The following PTPRT variants were observed in gnomAD, a reference collection of about 807,000 sequenced individuals.
PTPRT encodes receptor-type tyrosine-protein phosphatase T.
In PTPRT, 56 loss-of-function variants were observed where a neutral mutation model predicts 176.8. The observed-to-expected ratio is 0.32, with a 90% CI of 0.26 to 0.40. PTPRT has a LOEUF of 0.40. Ranked by LOEUF, PTPRT falls within the 10% of genes least tolerant of loss-of-function variation. The pLI is 1.00. For synonymous variants in PTPRT, 783 were observed against 739.0 expected, an observed-to-expected ratio of 1.06 and a Z score of -0.96; for missense variants, 1,540 against 1,908.2, an observed-to-expected ratio of 0.81 and a Z score of 3.60.
At chr20:42,220,001 A>G (rs1015294176) in intron 15 of PTPRT, among the ~76,000 whole-genome samples, 1 of 151,792 alleles carries the variant, frequency 6.6e-6, no homozygotes, top group African/African-American at 2.4e-5. Context: ...TTATTTCCCC[A>G]TCTGAGATAT....
At chr20:42,243,588 C>T (rs900789400) in intron 14 of PTPRT, among the ~76,000 whole-genome samples, 1 of 152,102 alleles carries the variant, frequency 6.6e-6, no homozygotes, top group African/African-American at 2.4e-5. Context: ...AAACAGCATG[C>T]TCAAAAGAAG....
At chr20:42,322,128 G>T (rs1449069119) in intron 11 of PTPRT, among the ~76,000 whole-genome samples, 1 of 152,040 alleles carries the variant, frequency 6.6e-6, no homozygotes, top group Non-Finnish European at 1.5e-5. Flanking sequence ...ACAAATGGAA[G>T]AACATTCCAT....
chr20:42,067,783 GGT>G (rs1353585106), downstream of PTPRT, among the ~76,000 whole-genome samples: 1 of 152,104 alleles, frequency 6.6e-6, no homozygotes, highest in Non-Finnish European at 1.5e-5. Flanking sequence ...GCCCTCTATG[GGT>G]GTTGGCAGAA....
At chr20:42,249,380 C>T (rs1464798818) in intron 13 of PTPRT, among the ~76,000 whole-genome samples, 2 of 152,190 alleles carry the variant, frequency 1.3e-5, no homozygotes, top group African/African-American at 4.8e-5. Flanking sequence ...CAAAAAAACA[C>T]TTAAATCTGA....
rs1028588244 is a variant in PTPRT at position 42,100,682 on chromosome 20, G to A, written c.3714+1442C>T. Among the ~76,000 whole-genome samples, 31 of 152,230 alleles carry A rather than the reference G, an allele frequency of 2.0e-4. No homozygotes were observed. The Middle Eastern group carries it at 0.01, about 50-fold the overall frequency. On this transcript the variant is annotated intron_variant, in intron 26 of 30. Coordinates refer to ENST00000373187, the MANE Select transcript of PTPRT (RefSeq NM_007050.6). ...CTAGGAGGAAATTGGAAGTATGGGC[G>A]CACCCCTAGGCTCCATTTCTCATCA... is the stretch of plus-strand genomic sequence containing the variant.
At chr20:42,347,379 G>T (rs1293975322) in intron 11 of PTPRT, among the ~76,000 whole-genome samples, 1 of 152,150 alleles carries the variant, frequency 6.6e-6, no homozygotes, top group Non-Finnish European at 1.5e-5. Flanking sequence ...ACTGCACACT[G>T]CTCTGCTTTC....
intron 24 of PTPRT, 91 bp from the exon 25 acceptor site, chr20:42,104,809 A>C: frequency 1.5e-6 from 2 of 1,331,104 alleles, no homozygotes; most frequent in East Asian, 4.8e-5. Context: ...GCTATGAAGA[A>C]TAGACATGAT....
At chr20:42,931,034 C>A (rs995056789) in intron 1 of PTPRT, among the ~76,000 whole-genome samples, 1 of 152,204 alleles carries the variant, frequency 6.6e-6, no homozygotes, top group African/African-American at 2.4e-5. Flanking sequence ...TTAGCCACCA[C>A]CACCACCACC....
At chr20:42,430,270 T>C (rs1194456296) in intron 9 of PTPRT, among the ~76,000 whole-genome samples, 5 of 152,112 alleles carry the variant, frequency 3.3e-5, no homozygotes, top group African/African-American at 1.2e-4. Context: ...GAAAGACTGG[T>C]TCCAAAACTG....
At chr20:42,388,445 C>A (rs930352336) in intron 9 of PTPRT, among the ~76,000 whole-genome samples, 4 of 152,024 alleles carry the variant, frequency 2.6e-5, no homozygotes, top group Non-Finnish European at 5.9e-5. Flanking sequence ...AACAAACAAC[C>A]CCATCAAAAA....
At chr20:42,740,870 G>A (rs2146292617) in intron 6 of PTPRT, among the ~76,000 whole-genome samples, 2 of 152,190 alleles carry the variant, frequency 1.3e-5, no homozygotes, top group African/African-American at 4.8e-5. Flanking sequence ...CACTTGTAAG[G>A]GCAGAAATTC....
chr20:42,962,771 A>G (rs979395134), intron 1 of PTPRT, among the ~76,000 whole-genome samples: 4 of 152,232 alleles, frequency 2.6e-5, no homozygotes, highest in Non-Finnish European at 5.9e-5. Flanking sequence ...AAATACTAAA[A>G]GAAATGCCTA....
At chr20:43,164,391 C>G (rs2014797769) in intron 1 of PTPRT, among the ~76,000 whole-genome samples, 1 of 152,106 alleles carries the variant, frequency 6.6e-6, no homozygotes, top group African/African-American at 2.4e-5. Context: ...GAGAAGCAAA[C>G]TAAGTAAATA....
At chr20:42,617,809 A>T (rs374936815) in intron 7 of PTPRT, among the ~76,000 whole-genome samples, 1 of 137,340 alleles carries the variant, frequency 7.3e-6, no homozygotes, top group Non-Finnish European at 1.5e-5. Context: ...TTTTTATTGC[A>T]TCTATTTGAT....
intron 7 of PTPRT, among the ~76,000 whole-genome samples, chr20:42,651,440 G>T (rs2075029196): frequency 6.6e-6 from 1 of 152,142 alleles, no homozygotes; most frequent in African/African-American, 2.4e-5. Flanking sequence ...TCAAATCTAT[G>T]AGCTAGTCAT....
chr20:42,493,189 T>C (rs2071592828), intron 7 of PTPRT, among the ~76,000 whole-genome samples: 2 of 152,196 alleles, frequency 1.3e-5, no homozygotes, highest in Non-Finnish European at 2.9e-5. Flanking sequence ...GTTCCTGTTT[T>C]ACAGATGAGG....
chr20:42,197,376 CAAAAAAAAAAAA>C (rs3086756), intron 16 of PTPRT, among the ~76,000 whole-genome samples: 22 of 33,320 alleles, frequency 6.6e-4, no homozygotes, highest in Admixed American at 4.0e-3. Context: ...GAGACTCCAT[CAAAAAAAAAAAA>C]AAAAAAAAAA....
intron 1 of PTPRT, among the ~76,000 whole-genome samples, chr20:43,100,845 C>T (rs948263455): frequency 1.3e-5 from 2 of 150,992 alleles, no homozygotes; most frequent in African/African-American, 5.0e-5. Context: ...ATGACATTTC[C>T]CATGCAAATA....
At chr20:42,336,955 T>G (rs2058048993) in intron 11 of PTPRT, among the ~76,000 whole-genome samples, 1 of 152,088 alleles carries the variant, frequency 6.6e-6, no homozygotes, top group South Asian at 2.1e-4. Flanking sequence ...CTAGACAACT[T>G]TCTGTGGCCT....
Sources: gnomAD v4.1 joint callset for allele counts (sites outside exome capture counted in the v4.1 genomes callset) on GRCh38, gnomAD v4.1.1 for gene constraint, MANE v1.5 for transcripts, NCBI Gene and HGNC (gene_info 2026-07-23, HGNC 2026-07-21) for gene names.